ADAMTS13: variants seen among roughly 807,000 people sequenced by gnomAD.
ADAMTS13 encodes the protein ADAM metallopeptidase with thrombospondin type 1 motif 13, also known as A disintegrin and metalloproteinase with thrombospondin motifs 13.
A neutral mutation model predicts 155.1 loss-of-function variants in ADAMTS13; 110 were observed. The ratio of observed to expected loss-of-function variants is 0.71; its 90% CI spans 0.61 to 0.83. The LOEUF (loss-of-function observed/expected upper bound fraction) is 0.83. Ranked by LOEUF, ADAMTS13 falls within the 40% of genes least tolerant of loss-of-function variation. The pLI, the probability that ADAMTS13 is intolerant of heterozygous loss-of-function variation, is 0.00. For synonymous variants in ADAMTS13, 758 were observed against 756.4 expected (o/e 1.00, Z -0.03); for missense variants, 1,707 against 1,891.7 (o/e 0.90, Z 1.81).
At chr9:133,451,350 C>T (rs587769262) in intron 23 of ADAMTS13, among the ~76,000 whole-genome samples, 12 of 152,280 alleles carry the variant, frequency 7.9e-5, no homozygotes, top group Admixed American at 3.3e-4. Context: ...CTCCGCCTCC[C>T]GGGTTCAAGC....
In ADAMTS13 at chr9:133,436,779, C is replaced by T; in HGVS notation, c.1309-50C>T. 1.4e-5 allele frequency: 6 copies of T among 414,010 alleles called. 2 individuals are homozygous for T. Among genetic ancestry groups the T allele is most frequent in the Non-Finnish European group, 1.5e-5 (3 of 204,046 alleles). 25.6% of individuals were successfully genotyped at this position (414,010 alleles called of 1,614,324 possible). A position where few individuals can be genotyped will look rare whatever the true frequency, so the allele number is the denominator to read the frequency against. ...GCCATGTAGTCTCCCAGTGACAACACCCGCCCCCCGCCCCACCGCCATCCC... is the reference window on the plus strand; with the variant it reads ...GCCATGTAGTCTCCCAGTGACAACATCCGCCCCCCGCCCCACCGCCATCCC... On this transcript the variant is annotated intron_variant, in intron 11 of 28. Coordinates refer to ENST00000355699, the MANE Select transcript of ADAMTS13 (RefSeq NM_139027.6).
At chr9:133,437,521 G>C (rs1412703663) in intron 12 of ADAMTS13, among the ~76,000 whole-genome samples, 1 of 152,198 alleles carries the variant, frequency 6.6e-6, no homozygotes, top group Non-Finnish European at 1.5e-5. Flanking sequence ...GCTTCCCAAA[G>C]TTCTGGGATT....
At chr9:133,418,377 C>T (rs1218674653), upstream of ADAMTS13, among the ~76,000 whole-genome samples, 1 of 152,220 alleles carries the variant, frequency 6.6e-6, no homozygotes, top group African/African-American at 2.4e-5. Flanking sequence ...TGGGCTGCTC[C>T]TTGCTCAGCC....
chr9:133,419,105 G>T (rs935330891), upstream of ADAMTS13, among the ~76,000 whole-genome samples: 4 of 152,130 alleles, frequency 2.6e-5, no homozygotes, highest in African/African-American at 4.8e-5. Context: ...CTCCCAAAGC[G>T]CTGGGATTAC....
chr9:133,433,850 C>T (rs1554788286), intron 11 of ADAMTS13, 146 bp downstream of exon 11: 1 of 975,114 alleles, frequency 1.0e-6, no homozygotes, highest in Admixed American at 2.0e-5. Flanking sequence ...AATCCCAGCA[C>T]TTTGGGAGGC....
In ADAMTS13 at chr9:133,456,067, A is replaced by C. The variant is rs782790767; in HGVS notation, c.3401-2A>C. ...CTTACCTGTCTCCTGCTCCCTTTTC[A>C]GGTGCCTGTGGCAGGCAGCACCTTG... is the stretch of plus-strand genomic sequence containing the variant. On this transcript the variant is annotated splice_acceptor_variant, in intron 25 of 28. Coordinates refer to ENST00000355699, the MANE Select transcript of ADAMTS13 (RefSeq NM_139027.6). LOFTEE classifies it high-confidence loss of function. The surrounding 1 kb of genome is among the most constrained non-coding windows in gnomAD (Gnocchi z 4.4). The C allele has an allele frequency of 6.2e-7, 1 of 1,613,254 alleles. No individual in the cohort carries two copies. The highest frequency in any genetic ancestry group is 8.5e-7 in the Non-Finnish European group (1 of 1,180,018).
chr9:133,459,069 C>T lies in ADAMTS13; in HGVS notation c.4005C>T (p.Ser1335=), dbSNP rs1554797114. The T allele has an allele frequency of 6.2e-7, 1 of 1,612,888 alleles. No individual in the cohort carries two copies. The highest frequency in any genetic ancestry group is 8.5e-7 in the Non-Finnish European group (1 of 1,179,920). Residue 1335 remains serine (S), a synonymous_variant, in exon 29 of 29, where the codon AGC becomes AGT. Transcript: ENST00000355699. The part of the protein sequence containing the change: ...SESSQAEMEF[S]EGFLKAQASL... ...GCAGCCAGGCTGAGATGGAGTTCAG[C>T]GAGGGCTTCCTGAAGGCTCAGGCCA...
Position 133,441,489 on chromosome 9 carries a change from G to A in ADAMTS13, c.1969-910G>A, listed in dbSNP as rs1554790745. Among the ~76,000 whole-genome samples, 1 of 152,184 alleles carries A rather than the reference G, an allele frequency of 6.6e-6. No homozygotes were observed. The highest frequency in any genetic ancestry group is 6.5e-5 in the Admixed American group (1 of 15,282). On this transcript the variant is annotated intron_variant, in intron 16 of 28. Transcript: ENST00000355699. This position sits in a 1 kb window ranked among gnomAD's most constrained non-coding sequence, Gnocchi z 5.0. ...CCCTGAATCAGGACTTCCCTGTGTTGGGCCTGAGAAACCGCACCGTAACCA... is the reference window on the plus strand; with the variant it reads ...CCCTGAATCAGGACTTCCCTGTGTTAGGCCTGAGAAACCGCACCGTAACCA...
At position 133,455,291 on chromosome 9, in the gene ADAMTS13, G is replaced by A; in HGVS notation, c.3256G>A (p.Val1086Ile). The change falls in exon 25 of 29, where the codon GTT (valine) becomes ATT (isoleucine). Residue 1086 changes from valine to isoleucine, a missense_variant. This residue lies in a region of ADAMTS13 where 961 missense variants were observed against 1,107.9 expected (regional missense o/e 0.87). Transcript: ENST00000355699. ...TCCTCCCCTCTCTTGGCAGTGCTCT[G>A]TTTCCTGTGGGGATGGCATCCAGCG... The part of the protein sequence containing the change: ...WHVGTWMECS[V>I]SCGDGIQRRR... 6.2e-7 allele frequency: 1 copy of A among 1,602,206 alleles called. No individual in the cohort carries two copies. Among genetic ancestry groups the A allele is most frequent in the Non-Finnish European group, 8.5e-7 (1 of 1,179,948 alleles).
chr9:133,429,820 T>A, intron 7 of ADAMTS13, 119 bp from the exon 8 acceptor site: 2 of 1,340,946 alleles, frequency 1.5e-6, no homozygotes, highest in Non-Finnish European at 2.1e-6. Flanking sequence ...GAACTCCTGT[T>A]CCCACTCACA....
At position 133,438,226 on chromosome 9, in the gene ADAMTS13, C is replaced by G. The variant is rs1392672440; in HGVS notation, c.1585-20C>G. Reference sequence around the variant, plus strand: ...AGCACCCTCCAGTGACACGGGCCCTCTGTCCTTCCCTTTGCATAGACATTT... The same window carrying G: ...AGCACCCTCCAGTGACACGGGCCCTGTGTCCTTCCCTTTGCATAGACATTT... On this transcript the variant is annotated intron_variant, in intron 13 of 28. Transcript: ENST00000355699. 1 of 1,614,004 alleles carries G rather than the reference C, an allele frequency of 6.2e-7. No individual in the cohort carries two copies. The highest frequency in any genetic ancestry group is 1.3e-5 in the African/African-American group (1 of 74,922).
At position 133,424,240 on chromosome 9, in the gene ADAMTS13, A is replaced by G. The variant is rs926538657; in HGVS notation, c.173-81A>G. 8.6e-5 allele frequency: 138 copies of G among 1,596,052 alleles called. No homozygotes were observed. Among genetic ancestry groups the G allele is most frequent in the Non-Finnish European group, 1.1e-4 (134 of 1,176,334 alleles). On this transcript the variant is annotated intron_variant, in intron 2 of 28. Transcript: ENST00000355699. The surrounding 1 kb of genome is among the most constrained non-coding windows in gnomAD (Gnocchi z 4.3). ...GACTTCGGAAGGCCATCCTTCCAAG[A>G]CCTGCCAGCCCCTTTCCTGTTAGCT...
rs1840843773 is a variant in ADAMTS13, at chr9:133,432,524, T to G, written c.988-64T>G. On this transcript the variant is annotated intron_variant, in intron 8 of 28. Transcript: ENST00000355699. ...GCAGTCTGGGAGGGACAGTTAAGGT[T>G]GGACACTGGCCTGGAAGGCCCTGGT... The G allele has an allele frequency of 3.6e-6, 5 of 1,394,744 alleles. No homozygotes were observed. The South Asian group carries it at 6.2e-5, about 17-fold the overall frequency. The allele number at this position is 1,394,744 out of a possible 1,614,324, so 86.4% of individuals were successfully genotyped here. A position where few individuals can be genotyped will look rare whatever the true frequency, so the allele number is the denominator to read the frequency against.
chr9:133,450,459 T>G (rs951654260), intron 23 of ADAMTS13, among the ~76,000 whole-genome samples: 3 of 151,714 alleles, frequency 2.0e-5, no homozygotes, highest in African/African-American at 7.3e-5. Context: ...TCCCAGTTAC[T>G]TGGGAGGCTG....
intron 21 of ADAMTS13, among the ~76,000 whole-genome samples, chr9:133,446,350 C>G (rs970012820): frequency 1.3e-5 from 2 of 152,208 alleles, no homozygotes; most frequent in East Asian, 3.9e-4. Context: ...ATTTCCCCCT[C>G]CGCAGCCCCT....
chr9:133,458,944 G>A (rs1281696039), intron 28 of ADAMTS13, 30 bp from the exon 29 acceptor site: 12 of 1,595,100 alleles, frequency 7.5e-6, no homozygotes, highest in Non-Finnish European at 9.4e-6. Flanking sequence ...ACTTGTGGCC[G>A]GTCCTTCTGG....
intron 18 of ADAMTS13, 70 bp downstream of exon 18, chr9:133,442,813 C>T (rs1174419885): frequency 5.2e-6 from 8 of 1,533,770 alleles, no homozygotes; most frequent in South Asian, 1.2e-5. Flanking sequence ...GGGCTCTGTC[C>T]CTGGCCTATG....
At chr9:133,444,815 C>T (rs587667984) in intron 19 of ADAMTS13, 48 bp from the exon 20 acceptor site, 8 of 1,599,456 alleles carry the variant, frequency 5.0e-6, no homozygotes, top group Admixed American at 1.7e-5. Flanking sequence ...TATACCTTCC[C>T]CTGGGTGGCA....
chr9:133,454,571 T>A lies in ADAMTS13; in HGVS notation c.3201T>A (p.Cys1067Ter). The stretch of plus-strand genomic sequence containing the variant: ...TGCGGCCCGAGGCCAGTGTCCCCTG[T>A]CTCATTGCCGACTGCACCTACCGCT... Reference protein sequence around the residue: ...ALVRPEASVPCLIADCTYRWH... With the variant: ...ALVRPEASVP The change falls in exon 24 of 29, where the codon TGT becomes TGA. Residue 1067 changes from cysteine to a stop codon, truncating the protein, a stop_gained. Transcript: ENST00000355699. LOFTEE classifies it high-confidence loss of function. The A allele has an allele frequency of 6.2e-7, 1 of 1,607,164 alleles. No homozygotes were observed. The highest frequency in any genetic ancestry group is 8.5e-7 in the Non-Finnish European group (1 of 1,179,850).
Sources: allele counts gnomAD v4.1 joint callset (sites outside exome capture counted in the v4.1 genomes callset), GRCh38; gene constraint gnomAD v4.1.1; regional missense constraint gnomAD v4.1.1; non-coding constraint Gnocchi (gnomAD v3.1); transcripts MANE v1.5; gene names NCBI Gene and HGNC (gene_info 2026-07-23, HGNC 2026-07-21).